The following STPG2 variants were observed in gnomAD, a reference collection of about 807,000 sequenced individuals.
STPG2 encodes the protein sperm tail PG-rich repeat containing 2.
A neutral mutation model predicts 54.2 loss-of-function variants in STPG2; 56 were observed. The observed-to-expected ratio is 1.03, with a 90% confidence interval of 0.83 to 1.29. STPG2 has a LOEUF of 1.29. STPG2 is among the 50% of genes most tolerant of loss of function. The pLI, the probability that STPG2 is intolerant of heterozygous loss-of-function variation, is 0.00. For synonymous variants in STPG2, 200 were observed against 181.8 expected (o/e 1.10, Z -0.81); for missense variants, 596 against 544.9 (o/e 1.09, Z -0.93).
intron 8 of STPG2, among the ~76,000 whole-genome samples, chr4:97,850,326 A>ATAAATAAAT (rs1553918504): frequency 0.19 from 27,639 of 146,544 alleles, 3,198 homozygotes; most frequent in Middle Eastern, 0.28. Context: ...AAATAAATAA[A>ATAAATAAAT]GAAGTAGAGC....
intron 7 of STPG2, among the ~76,000 whole-genome samples, chr4:97,971,585 G>C (rs1265628746): frequency 1.3e-5 from 2 of 152,056 alleles, no homozygotes; most frequent in Non-Finnish European, 2.9e-5. Flanking sequence ...ACTCATAGAT[G>C]GGAATTAAAC....
intron 6 of STPG2, among the ~76,000 whole-genome samples, chr4:97,980,904 T>A (rs1176474687): frequency 6.6e-6 from 1 of 152,012 alleles, no homozygotes; most frequent in Admixed American, 6.6e-5. Context: ...ATCAGAAAAT[T>A]TACCAAATAA....
chr4:97,704,749 A>G (rs1322113917), intron 10 of STPG2, among the ~76,000 whole-genome samples: 2 of 152,364 alleles, frequency 1.3e-5, no homozygotes, highest in East Asian at 3.9e-4. Context: ...TTAAAACTAC[A>G]GTATAAAAGT....
intron 4 of STPG2, among the ~76,000 whole-genome samples, chr4:97,511,860 A>T (rs995809285): frequency 2.0e-5 from 3 of 152,070 alleles, no homozygotes; most frequent in African/African-American, 7.2e-5. Context: ...AGGAAGAAAA[A>T]AAATTCCTAG....
At chr4:97,689,223 ATCCTTATCTTC>A (rs1723289339) in intron 10 of STPG2, among the ~76,000 whole-genome samples, 3 of 152,174 alleles carry the variant, frequency 2.0e-5, no homozygotes, top group Admixed American at 1.3e-4. Flanking sequence ...AAAGCTACTT[ATCCTTATCTTC>A]CTTCTCATCA....
intron 7 of STPG2, among the ~76,000 whole-genome samples, chr4:97,960,625 G>A (rs574918975): frequency 1.2e-4 from 18 of 152,022 alleles, no homozygotes; most frequent in African/African-American, 3.9e-4. Flanking sequence ...AAATACTTAG[G>A]AATATACCTA....
chr4:97,754,150 C>G (rs1353401163), intron 9 of STPG2, among the ~76,000 whole-genome samples: 1 of 152,026 alleles, frequency 6.6e-6, no homozygotes, highest in Non-Finnish European at 1.5e-5. Flanking sequence ...GGACTGAGCT[C>G]TTGCACTAGG....
chr4:97,795,627 C>A, intron 9 of STPG2, among the ~76,000 whole-genome samples: 1 of 152,168 alleles, frequency 6.6e-6, no homozygotes. Flanking sequence ...GGTTCCAAGT[C>A]TTTGCTATTG....
At chr4:97,893,216 G>C (rs1730836055) in intron 8 of STPG2, 1 of 151,956 alleles carries the variant, frequency 6.6e-6, no homozygotes, top group South Asian at 2.1e-4. Flanking sequence ...AATTCTTCTG[G>C]GAGTAGGAGG....
At chr4:97,514,929 C>A (rs908307374) in intron 4 of STPG2, among the ~76,000 whole-genome samples, 1 of 151,998 alleles carries the variant, frequency 6.6e-6, no homozygotes, top group African/African-American at 2.4e-5. Context: ...CATTAAAATA[C>A]AACACTGAGG....
At chr4:97,542,565 T>G (rs1578375950) in intron 4 of STPG2, among the ~76,000 whole-genome samples, 1 of 152,330 alleles carries the variant, frequency 6.6e-6, no homozygotes, top group African/African-American at 2.4e-5. Flanking sequence ...AGTGTGGCGA[T>G]TCCTCAGGGA....
intron 10 of STPG2, among the ~76,000 whole-genome samples, chr4:97,702,944 G>T (rs974150584): frequency 6.6e-6 from 1 of 152,060 alleles, no homozygotes; most frequent in Non-Finnish European, 1.5e-5. Flanking sequence ...CTGACTCAGG[G>T]CAATCTTAGC....
intron 3 of STPG2, among the ~76,000 whole-genome samples, chr4:98,125,734 G>T (rs909959704): frequency 6.6e-6 from 1 of 152,200 alleles, no homozygotes; most frequent in Admixed American, 6.5e-5. Flanking sequence ...CCCTTGTCTA[G>T]ACTGTCCAGA....
chr4:98,071,283 C>T (rs770316806), intron 5 of STPG2, among the ~76,000 whole-genome samples: 1 of 152,146 alleles, frequency 6.6e-6, no homozygotes, highest in Non-Finnish European at 1.5e-5. Flanking sequence ...ACTAACTGAT[C>T]TTCAGCAAAA....
intron 1 of STPG2, among the ~76,000 whole-genome samples, chr4:98,139,189 G>A (rs28485415): frequency 0.4 from 59,991 of 151,810 alleles, 12,095 homozygotes; most frequent in Middle Eastern, 0.46. Context: ...TCCTGGGTAG[G>A]AGAGATTCTC....
At chr4:97,671,758 T>G (rs2148969697) in intron 10 of STPG2, among the ~76,000 whole-genome samples, 1 of 152,302 alleles carries the variant, frequency 6.6e-6, no homozygotes, top group Non-Finnish European at 1.5e-5. Context: ...TCTCTGTGCT[T>G]CAAGTTCAAC....
At chr4:98,118,880 A>G (rs1271671811) in intron 3 of STPG2, among the ~76,000 whole-genome samples, 1 of 152,188 alleles carries the variant, frequency 6.6e-6, no homozygotes, top group Non-Finnish European at 1.5e-5. Context: ...ATAAACAATA[A>G]AGAAATAAAT....
At chr4:97,575,354 C>G (rs997247277) in intron 10 of STPG2, among the ~76,000 whole-genome samples, 1 of 151,708 alleles carries the variant, frequency 6.6e-6, no homozygotes, top group Admixed American at 6.6e-5. Context: ...AAACAACAGG[C>G]CAATATCTAA....
At chr4:98,094,886 C>T (rs1250681787) in intron 5 of STPG2, among the ~76,000 whole-genome samples, 1 of 152,096 alleles carries the variant, frequency 6.6e-6, no homozygotes, top group African/African-American at 2.4e-5. Flanking sequence ...CAGTGTTATA[C>T]TTAACAAAGT....
Sources: allele counts gnomAD v4.1 joint callset (sites outside exome capture counted in the v4.1 genomes callset), GRCh38; gene constraint gnomAD v4.1.1; transcripts MANE v1.5; gene names NCBI Gene and HGNC (gene_info 2026-07-23, HGNC 2026-07-21).